Variants in KCNJ6 observed in about 807,000 individuals in gnomAD.
KCNJ6 encodes the protein G protein-activated inward rectifier potassium channel 2.
Under a neutral mutation model 34.2 loss-of-function variants are expected in KCNJ6, and 9 were observed. The observed-to-expected ratio is 0.26, with a 90% confidence interval of 0.16 to 0.46. The LOEUF is 0.46. Ranked by LOEUF, KCNJ6 falls within the 20% of genes least tolerant of loss-of-function variation. The probability of loss-of-function intolerance (pLI) is 1.00; values close to 1 mark genes in which losing one functional copy is unlikely to be tolerated. For synonymous variants in KCNJ6, 196 were observed against 207.1 expected (o/e 0.95, Z 0.46); for missense variants, 236 against 531.3 (o/e 0.44, Z 5.46).
At chr21:37,755,175 C>T (rs1353774123) in intron 2 of KCNJ6, among the ~76,000 whole-genome samples, 2 of 151,814 alleles carry the variant, frequency 1.3e-5, no homozygotes, top group Admixed American at 6.6e-5. Context: ...TTTCTAGCAC[C>T]GTGGAAGGAA....
At chr21:37,848,020 G>A (rs547374039) in intron 1 of KCNJ6, among the ~76,000 whole-genome samples, 2 of 152,218 alleles carry the variant, frequency 1.3e-5, no homozygotes, top group Non-Finnish European at 2.9e-5. Flanking sequence ...GGGGACCAAG[G>A]CTTGGTGTGA....
intron 3 of KCNJ6, among the ~76,000 whole-genome samples, chr21:37,654,605 G>A (rs1264030321): frequency 6.6e-6 from 1 of 152,072 alleles, no homozygotes; most frequent in Non-Finnish European, 1.5e-5. Context: ...TGCCCATGCT[G>A]TTCCTTGCCA....
rs560884504 is a variant in KCNJ6, at chr21:37,881,993, T to C, written c.-28+33891A>G. Among the ~76,000 whole-genome samples the C allele has an allele frequency of 7.2e-5, 11 of 152,230 alleles. No homozygotes were observed. In the South Asian group the frequency reaches 2.1e-3, roughly 29 times the overall value. ...TAAAGCTGCTTAAACATTATAGGGC[T>C]TCTGTGTTAGGTAGCAAGTGCCCTG... On this transcript the variant is annotated intron_variant, in intron 1 of 3. Transcript: ENST00000609713.
intron 1 of KCNJ6, among the ~76,000 whole-genome samples, chr21:37,878,705 G>C (rs1190369723): frequency 6.6e-6 from 1 of 152,174 alleles, no homozygotes; most frequent in African/African-American, 2.4e-5. Flanking sequence ...AACATACTAT[G>C]TCTACCACTG....
In KCNJ6 at chr21:37,607,503, A is replaced by T. The variant is rs1309529577; in HGVS notation, c.*17656T>A. 7.3e-5 allele frequency: 8 copies of T among 108,924 alleles called. No individual in the cohort carries two copies. The highest frequency in any genetic ancestry group is 3.7e-4 in the Admixed American group (4 of 10,690). The allele number at this position is 108,924 out of a possible 1,614,324, so 6.7% of individuals were successfully genotyped here. On this transcript the variant is annotated 3_prime_UTR_variant, in exon 4 of 4. Coordinates refer to ENST00000609713, the MANE Select transcript of KCNJ6 (RefSeq NM_002240.5). ...ATATATTTTTTTTTTATTTTAAAAA[A>T]ATTTGGCATTGTAGTGATTTCTCAA...
chr21:37,788,250 G>A (rs2055201009), intron 2 of KCNJ6, among the ~76,000 whole-genome samples: 1 of 152,168 alleles, frequency 6.6e-6, no homozygotes, highest in African/African-American at 2.4e-5. Context: ...AATCTATGAA[G>A]ATTTAACAGA....
chr21:37,768,995 AG>A (rs1601463086), intron 2 of KCNJ6, among the ~76,000 whole-genome samples: 1 of 152,252 alleles, frequency 6.6e-6, no homozygotes, highest in East Asian at 1.9e-4. Flanking sequence ...TTGATGAATC[AG>A]CCTGAGGAAG....
Position 37,662,679 on chromosome 21 carries a change from C to T in KCNJ6, c.947-37195G>A, listed in dbSNP as rs112181242. ...TTCTGGTTCTAGGTCTTTGAGGAAT[C>T]GTCAGACTGTCTTCCACAATGATTA... On this transcript the variant is annotated intron_variant, in intron 3 of 3. Coordinates refer to ENST00000609713, the MANE Select transcript of KCNJ6 (RefSeq NM_002240.5). Among the ~76,000 whole-genome samples, 1,368 of 152,296 alleles carry T rather than the reference C, an allele frequency of 9.0e-3. 10 individuals carry two copies. Among genetic ancestry groups the T allele is most frequent in the Non-Finnish European group, 0.016 (1,057 of 68,020 alleles).
At chr21:37,874,075 CT>C (rs1430949267) in intron 1 of KCNJ6, among the ~76,000 whole-genome samples, 1 of 152,184 alleles carries the variant, frequency 6.6e-6, no homozygotes, top group Non-Finnish European at 1.5e-5. Flanking sequence ...GCCTCCATCT[CT>C]CTTAAACTCA....
At chr21:37,669,570 G>A (rs2054532378) in intron 3 of KCNJ6, among the ~76,000 whole-genome samples, 1 of 99,690 alleles carries the variant, frequency 1.0e-5, no homozygotes, top group Non-Finnish European at 1.9e-5. Context: ...CATGAAGTCT[G>A]TGTGTGTTGT....
chr21:37,903,754 G>T (rs190440495), intron 1 of KCNJ6, among the ~76,000 whole-genome samples: 2 of 151,262 alleles, frequency 1.3e-5, no homozygotes, highest in Non-Finnish European at 2.9e-5. Context: ...AAAAAAAAAC[G>T]AAGAAGCAAC....
At chr21:37,699,319 G>GCATAGTTTTGCAT (rs986722377) in intron 3 of KCNJ6, among the ~76,000 whole-genome samples, 4 of 152,174 alleles carry the variant, frequency 2.6e-5, no homozygotes, top group Non-Finnish European at 5.9e-5. Context: ...CTTGCCTGTT[G>GCATAGTTTTGCAT]AGTTTTTACC....
At position 37,907,581 on chromosome 21, in the gene KCNJ6, A is replaced by T. The variant is rs1431398266; in HGVS notation, c.-28+8303T>A. Among the ~76,000 whole-genome samples the T allele has an allele frequency of 1.9e-4, 29 of 152,228 alleles. 1 individual carries two copies. Among genetic ancestry groups the T allele is most frequent in the Admixed American group, 1.9e-3 (29 of 15,290 alleles). The stretch of plus-strand genomic sequence containing the variant: ...TCAGAGCTGTGTAAATGCAGAGAAG[A>T]CAGATCACATTACCTCTGCCCCGCT... On this transcript the variant is annotated intron_variant, in intron 1 of 3. Transcript: ENST00000609713.
chr21:37,679,476 C>T (rs147707376), intron 3 of KCNJ6, among the ~76,000 whole-genome samples: 235 of 152,282 alleles, frequency 1.5e-3, no homozygotes, highest in Non-Finnish European at 2.5e-3. Flanking sequence ...TGAGTTAATA[C>T]GTGTGAAACA....
At chr21:37,773,462 G>GC (rs2055127408) in intron 2 of KCNJ6, among the ~76,000 whole-genome samples, 1 of 152,094 alleles carries the variant, frequency 6.6e-6, no homozygotes, top group Non-Finnish European at 1.5e-5. Context: ...GGGAGCAGAG[G>GC]GAAGGTGTGA....
chr21:37,721,633 T>C (rs2123459073), intron 2 of KCNJ6, among the ~76,000 whole-genome samples: 1 of 152,364 alleles, frequency 6.6e-6, no homozygotes, highest in South Asian at 2.1e-4. Flanking sequence ...TGGGTGAACC[T>C]TGAAGACATT....
At chr21:37,785,358 C>T (rs1236879759) in intron 2 of KCNJ6, among the ~76,000 whole-genome samples, 1 of 152,188 alleles carries the variant, frequency 6.6e-6, no homozygotes, top group East Asian at 1.9e-4. Flanking sequence ...ACTGCTTAAG[C>T]TGAGGAAAAA....
Position 37,840,650 on chromosome 21 carries a change from C to G in KCNJ6, c.25+8G>C. The G allele has an allele frequency of 6.3e-7, 1 of 1,591,200 alleles. No individual in the cohort carries two copies. The highest frequency in any genetic ancestry group is 8.6e-7 in the Non-Finnish European group (1 of 1,163,002). On this transcript the variant is annotated splice_region_variant and intron_variant, in intron 2 of 3. Coordinates refer to ENST00000609713, the MANE Select transcript of KCNJ6 (RefSeq NM_002240.5). ...CAAAAAATAAATAATAAATTTGAAG[C>G]TACTCACTCATGGATTCTGTCAGCT...
At chr21:37,764,485 TCTC>T (rs1450617118) in intron 2 of KCNJ6, among the ~76,000 whole-genome samples, 4 of 152,010 alleles carry the variant, frequency 2.6e-5, no homozygotes, top group African/African-American at 9.7e-5. Context: ...TTCAAGCGAT[TCTC>T]CTGTCTCAGC....
Sources: gnomAD v4.1 joint callset for allele counts (sites outside exome capture counted in the v4.1 genomes callset) on GRCh38, gnomAD v4.1.1 for gene constraint, MANE v1.5 for transcripts, NCBI Gene and HGNC (gene_info 2026-07-23, HGNC 2026-07-21) for gene names.